PTPN11: variants seen among roughly 807,000 people sequenced by gnomAD.
PTPN11 encodes protein tyrosine phosphatase non-receptor type 11.
In PTPN11, 6 loss-of-function variants were observed where a neutral mutation model predicts 78.8. The ratio of observed to expected loss-of-function variants is 0.08; its 90% CI spans 0.04 to 0.15. PTPN11 has a LOEUF of 0.15. Ranked by LOEUF, PTPN11 falls within the 10% of genes least tolerant of loss-of-function variation. PTPN11 has a pLI of 1.00. For synonymous variants in PTPN11, 221 were observed against 263.5 expected, an observed-to-expected ratio of 0.84 and a Z score of 1.56; for missense variants, 386 against 744.8, an observed-to-expected ratio of 0.52 and a Z score of 5.61.
At chr12:112,436,572 C>T (rs556566150) in intron 1 of PTPN11, among the ~76,000 whole-genome samples, 3 of 152,248 alleles carry the variant, frequency 2.0e-5, no homozygotes, top group Non-Finnish European at 4.4e-5. Context: ...TGATACTTCT[C>T]CCCTTACATG....
intron 3 of PTPN11, among the ~76,000 whole-genome samples, chr12:112,451,885 T>G (rs2038083308): frequency 6.6e-6 from 1 of 152,232 alleles, no homozygotes; most frequent in South Asian, 2.1e-4. Context: ...TTTTTTAATT[T>G]ATTTATTTGA....
At chr12:112,479,210 A>C (rs1182177003) in intron 9 of PTPN11, among the ~76,000 whole-genome samples, 2 of 152,144 alleles carry the variant, frequency 1.3e-5, no homozygotes, top group Non-Finnish European at 2.9e-5. Context: ...GATCTTATTG[A>C]GTGACAGCCC....
At chr12:112,478,156 T>C (rs938051441) in intron 9 of PTPN11, 141 bp downstream of exon 9, 30 of 980,738 alleles carry the variant, frequency 3.1e-5, no homozygotes, top group South Asian at 3.1e-4. Flanking sequence ...AGAAATTTGA[T>C]TATGTTATTC....
At chr12:112,472,338 C>G (rs2038431645) in intron 6 of PTPN11, among the ~76,000 whole-genome samples, 1 of 152,042 alleles carries the variant, frequency 6.6e-6, no homozygotes, top group Admixed American at 6.5e-5. Flanking sequence ...ACATCATATG[C>G]TATTTTGGAG....
At chr12:112,429,688 C>T (rs1338692261) in intron 1 of PTPN11, among the ~76,000 whole-genome samples, 1 of 150,880 alleles carries the variant, frequency 6.6e-6, no homozygotes, top group African/African-American at 2.4e-5. Context: ...CCTGTAATTC[C>T]AGCTACGTGG....
intron 2 of PTPN11, among the ~76,000 whole-genome samples, chr12:112,448,927 C>G (rs535244104): frequency 1.3e-5 from 2 of 151,902 alleles, no homozygotes; most frequent in Admixed American, 1.3e-4. Flanking sequence ...ACTCTTGTTG[C>G]CCAGGCTGGA....
intron 6 of PTPN11, 56 bp downstream of exon 6, chr12:112,456,119 G>T: frequency 8.7e-7 from 1 of 1,149,208 alleles, no homozygotes; most frequent in East Asian, 2.5e-5. Flanking sequence ...TTTTAGTGGA[G>T]GAGAAGTTGC....
intron 3 of PTPN11, among the ~76,000 whole-genome samples, chr12:112,450,723 T>TA (rs772929931): frequency 6.6e-6 from 1 of 152,230 alleles, no homozygotes; most frequent in African/African-American, 2.4e-5. Flanking sequence ...CAGTGTTACT[T>TA]ACACTCATCC....
intron 7 of PTPN11, among the ~76,000 whole-genome samples, chr12:112,475,745 A>C (rs754473757): frequency 9.9e-5 from 15 of 152,228 alleles, no homozygotes; most frequent in South Asian, 2.1e-4. Flanking sequence ...GTGTCTATGC[A>C]TGAAACATAG....
intron 1 of PTPN11, 51 bp downstream of exon 1, chr12:112,419,176 G>A: frequency 2.7e-6 from 4 of 1,476,504 alleles, no homozygotes; most frequent in East Asian, 2.9e-5. Context: ...CCACCGCCGC[G>A]TTCGGTTAGC....
At chr12:112,427,532 C>T (rs747559985) in intron 1 of PTPN11, among the ~76,000 whole-genome samples, 4 of 149,774 alleles carry the variant, frequency 2.7e-5, no homozygotes, top group African/African-American at 7.4e-5. Context: ...GGCGACAGAG[C>T]GAGACTCTGT....
chr12:112,419,085 G>A lies in PTPN11; in HGVS notation c.-27G>A, dbSNP rs375495669. ...CGGAGCCTGAGCAAGGAGCGGGTCC[G>A]TCGCGGAGCCGGAGGGCGGGAGGAA... On this transcript the variant is annotated 5_prime_UTR_variant, in exon 1 of 16. Coordinates refer to ENST00000351677, the MANE Select transcript of PTPN11 (RefSeq NM_002834.5). 1.4e-5 allele frequency: 22 copies of A among 1,533,024 alleles called. No individual in the cohort carries two copies. Among genetic ancestry groups the A allele is most frequent in the Non-Finnish European group, 1.9e-5 (22 of 1,142,298 alleles). 95.0% of individuals were successfully genotyped at this position (1,533,024 alleles called of 1,614,324 possible).
intron 13 of PTPN11, among the ~76,000 whole-genome samples, chr12:112,492,644 A>G (rs2135920558): frequency 6.6e-6 from 1 of 151,830 alleles, no homozygotes; most frequent in Admixed American, 6.6e-5. Flanking sequence ...CAGCCTCCCA[A>G]GTAGTTGGGA....
chr12:112,453,488 T>TTTTA lies in PTPN11; in HGVS notation c.525+129_525+132dup, dbSNP rs141468112. On this transcript the variant is annotated intron_variant, in intron 4 of 15. Transcript: ENST00000351677. ...CCATTACATTCAAAGTCAGATTGTC[T>TTTTA]TTTATTTATTTATTTATTTATTTAT... 13,622 of 871,116 alleles carry TTTTA rather than the reference T, an allele frequency of 0.016. 409 individuals are homozygous for TTTTA. The highest frequency in any genetic ancestry group is 0.11 in the African/African-American group (6,228 of 56,646). 54.0% of individuals were successfully genotyped at this position (871,116 alleles called of 1,614,324 possible).
At chr12:112,419,477 G>A (rs931877802) in intron 1 of PTPN11, among the ~76,000 whole-genome samples, 6 of 152,184 alleles carry the variant, frequency 3.9e-5, no homozygotes, top group African/African-American at 1.4e-4. Flanking sequence ...TTGCCTCATG[G>A]TGATTCCGAA....
At chr12:112,488,573 C>A (rs745391985) in intron 12 of PTPN11, 63 bp downstream of exon 12, 1 of 1,485,052 alleles carries the variant, frequency 6.7e-7, no homozygotes, top group East Asian at 2.3e-5. Context: ...GGAAAGTGCT[C>A]ACGAAAACAG....
Position 112,454,600 on chromosome 12 carries a change from G to C in PTPN11, c.562G>C (p.Asp188His), listed in dbSNP as rs1555267939. The C allele has an allele frequency of 1.2e-6, 2 of 1,613,822 alleles. No individual in the cohort carries two copies. Among genetic ancestry groups the C allele is most frequent in the Non-Finnish European group, 1.7e-6 (2 of 1,179,830 alleles). Reference protein sequence around the residue: ...KYDVGGGERFDSLTDLVEHYK... With the variant: ...KYDVGGGERFHSLTDLVEHYK... Reference sequence around the variant, plus strand: ...CGACGTTGGTGGAGGAGAACGGTTTGATTCTTTGACAGATCTTGTGGAACA... The same window carrying C: ...CGACGTTGGTGGAGGAGAACGGTTTCATTCTTTGACAGATCTTGTGGAACA... Residue 188 changes from aspartate (D) to histidine (H), a missense_variant, in exon 5 of 16, where the codon GAT (aspartate) becomes CAT (histidine). Around this residue, in one of 3 missense-constraint regions of PTPN11, gnomAD observed 279 missense variants for 503.3 expected, o/e 0.55. Coordinates refer to ENST00000351677, the MANE Select transcript of PTPN11 (RefSeq NM_002834.5).
At chr12:112,447,502 C>G (rs1026040370) in intron 2 of PTPN11, among the ~76,000 whole-genome samples, 1 of 151,548 alleles carries the variant, frequency 6.6e-6, no homozygotes, top group Non-Finnish European at 1.5e-5. Context: ...TGATAACGAT[C>G]TATTTTTTTT....
intron 3 of PTPN11, 128 bp from the exon 4 acceptor site, chr12:112,453,067 A>G (rs545306996): frequency 2.3e-4 from 189 of 813,770 alleles, no homozygotes; most frequent in South Asian, 1.9e-3. Flanking sequence ...GGATTGATCA[A>G]TCCCTTGGAG....
Sources: allele counts gnomAD v4.1 joint callset (sites outside exome capture counted in the v4.1 genomes callset), GRCh38; gene constraint gnomAD v4.1.1; regional missense constraint gnomAD v4.1.1; transcripts MANE v1.5; gene names NCBI Gene and HGNC (gene_info 2026-07-23, HGNC 2026-07-21).